Variants in KCNT1 observed in about 807,000 individuals in gnomAD.
KCNT1 encodes potassium sodium-activated channel subfamily T member 1.
In KCNT1, 78 loss-of-function variants were observed where a neutral mutation model predicts 147.8. That is an observed-to-expected ratio of 0.53 (90% CI 0.44 to 0.64). KCNT1 has a LOEUF of 0.64. Ranked by LOEUF, KCNT1 falls within the 30% of genes least tolerant of loss-of-function variation. KCNT1 has a pLI of 0.00. For synonymous variants in KCNT1, 867 were observed against 748.8 expected, an observed-to-expected ratio of 1.16 and a Z score of -2.58; for missense variants, 1,419 against 1,750.3, an observed-to-expected ratio of 0.81 and a Z score of 3.38.
chr9:135,732,404 C>T (rs1830138991), intron 2 of KCNT1, among the ~76,000 whole-genome samples: 1 of 152,172 alleles, frequency 6.6e-6, no homozygotes, highest in Admixed American at 6.5e-5. Flanking sequence ...CCTCACCCTT[C>T]CTCCGGTGCC....
At chr9:135,768,442 G>GCCTTCCATCCTCCCCA in intron 13 of KCNT1, 168 bp from the exon 14 acceptor site, 1 of 443,776 alleles carries the variant, frequency 2.3e-6, no homozygotes, top group Admixed American at 3.8e-5. Flanking sequence ...CATCCTCCCC[G>GCCTTCCATCCTCCCCA]CCTTCCATCC....
chr9:135,772,902 G>A lies in KCNT1; in HGVS notation c.2196G>A (p.Ser732=), dbSNP rs557680361. 28 of 1,550,930 alleles carry A rather than the reference G, an allele frequency of 1.8e-5. No homozygotes were observed. The highest frequency in any genetic ancestry group is 1.7e-4 in the East Asian group (7 of 41,496). ...LLPCDLLSDQ[S]EDEVTPSDDE... ...CCTGCGACCTGCTGAGCGACCAGTCGGAGGATGAGGTGACGCCGTCGGACG... is the reference window on the plus strand; with the variant it reads ...CCTGCGACCTGCTGAGCGACCAGTCAGAGGATGAGGTGACGCCGTCGGACG... Residue 732 remains serine (S), a synonymous_variant, in exon 19 of 31, where the codon TCG becomes TCA. Coordinates refer to ENST00000371757, the MANE Select transcript of KCNT1 (RefSeq NM_020822.3).
chr9:135,778,941 G>A (rs1352936037), intron 23 of KCNT1, 119 bp downstream of exon 23: 22 of 1,170,970 alleles, frequency 1.9e-5, no homozygotes, highest in Middle Eastern at 6.1e-4. Context: ...CCACAGCCAC[G>A]ACCACGGGCC....
At chr9:135,709,570 G>A (rs112044803) in intron 1 of KCNT1, among the ~76,000 whole-genome samples, 39 of 152,304 alleles carry the variant, frequency 2.6e-4, no homozygotes, top group African/African-American at 9.4e-4. Flanking sequence ...GCCGATCACT[G>A]GCGCAGGAGA....
At chr9:135,708,719 A>AT (rs1413421100) in intron 1 of KCNT1, among the ~76,000 whole-genome samples, 3 of 152,116 alleles carry the variant, frequency 2.0e-5, no homozygotes, top group Non-Finnish European at 2.9e-5. Context: ...AACTTTTGTT[A>AT]TTTTTTGTAG....
At chr9:135,738,543 G>A (rs1001405360) in intron 2 of KCNT1, among the ~76,000 whole-genome samples, 1 of 152,176 alleles carries the variant, frequency 6.6e-6, no homozygotes, top group African/African-American at 2.4e-5. Flanking sequence ...CATCCTGCAG[G>A]CCTGAGCTGC....
chr9:135,705,337 A>T (rs1010672762), intron 1 of KCNT1, among the ~76,000 whole-genome samples: 1 of 152,194 alleles, frequency 6.6e-6, no homozygotes, highest in Non-Finnish European at 1.5e-5. Flanking sequence ...CTGCAACAGG[A>T]AAGTTTGTCC....
chr9:135,780,944 G>A (rs561919530), intron 24 of KCNT1, among the ~76,000 whole-genome samples: 1 of 152,304 alleles, frequency 6.6e-6, no homozygotes, highest in East Asian at 1.9e-4. Context: ...CCTCAGCCTT[G>A]CACCTCTCTG....
Position 135,760,664 on chromosome 9 carries a change from C to A in KCNT1, c.1035+805C>A, listed in dbSNP as rs143791493. Among the ~76,000 whole-genome samples, 996 of 152,286 alleles carry A rather than the reference C, an allele frequency of 6.5e-3. 7 individuals are homozygous for A. Among genetic ancestry groups the A allele is most frequent in the African/African-American group, 0.023 (941 of 41,560 alleles). The stretch of plus-strand genomic sequence containing the variant: ...CCCGCTAAACAGCAGTGGGCGTGGC[C>A]CAGGTATGGGCCCAGGCCAGGCCTG... On this transcript the variant is annotated intron_variant, in intron 11 of 30. Transcript: ENST00000371757.
chr9:135,745,071 C>T (rs112862642), intron 2 of KCNT1, among the ~76,000 whole-genome samples: 70 of 152,354 alleles, frequency 4.6e-4, no homozygotes, highest in African/African-American at 1.6e-3. Context: ...CACCCGCTGC[C>T]GGGTGTGGAC....
At chr9:135,787,093 ACT>A (rs921241459) in intron 29 of KCNT1, among the ~76,000 whole-genome samples, 55 of 151,660 alleles carry the variant, frequency 3.6e-4, no homozygotes, top group Admixed American at 9.2e-4. Context: ...TAGGGGGGAG[ACT>A]TTGGGGGAAC....
At position 135,704,842 on chromosome 9, in the gene KCNT1, T is replaced by A. The variant is rs138583268; in HGVS notation, c.110+2474T>A. Among the ~76,000 whole-genome samples, 136 of 152,206 alleles carry A rather than the reference T, an allele frequency of 8.9e-4. 1 individual carries two copies. The East Asian group carries it at 0.024, about 27-fold the overall frequency. On this transcript the variant is annotated intron_variant, in intron 1 of 30. Coordinates refer to ENST00000371757, the MANE Select transcript of KCNT1 (RefSeq NM_020822.3). ...AGTAGCTCAGGGCTCATGGGAAAGG[T>A]TTGAGGGCCCAAGATACCGCCCAGC...
At position 135,763,216 on chromosome 9, in the gene KCNT1, C is replaced by T. The variant is rs996707602; in HGVS notation, c.1036-1815C>T. On this transcript the variant is annotated intron_variant, in intron 11 of 30. Transcript: ENST00000371757. Reference sequence around the variant, plus strand: ...GGGACAGTGATGCCGCTGACCCCACCGTCTAAGCCGCTCCCTGCCTCCTCC... The same window carrying T: ...GGGACAGTGATGCCGCTGACCCCACTGTCTAAGCCGCTCCCTGCCTCCTCC... Among the ~76,000 whole-genome samples, 10 of 152,348 alleles carry T rather than the reference C, an allele frequency of 6.6e-5. No individual in the cohort carries two copies. The South Asian group carries it at 1.0e-3, about 16-fold the overall frequency.
chr9:135,777,250 G>T, intron 20 of KCNT1, 88 bp from the exon 21 acceptor site: 1 of 1,386,468 alleles, frequency 7.2e-7, no homozygotes. Context: ...GTTCACGGGG[G>T]ATGTTTGGTG....
intron 2 of KCNT1, among the ~76,000 whole-genome samples, chr9:135,733,197 C>G (rs1407229122): frequency 7.1e-6 from 1 of 139,936 alleles, no homozygotes; most frequent in Admixed American, 7.1e-5. Flanking sequence ...CCGCACCTGC[C>G]CCCACACCTG....
chr9:135,765,327 C>T, intron 12 of KCNT1, 132 bp downstream of exon 12: 1 of 829,230 alleles, frequency 1.2e-6, no homozygotes, highest in Non-Finnish European at 1.9e-6. Context: ...AGGGCAGATG[C>T]CTCCCTCCCG....
intron 2 of KCNT1, among the ~76,000 whole-genome samples, chr9:135,724,204 C>T (rs1836037076): frequency 6.6e-6 from 1 of 152,246 alleles, no homozygotes; most frequent in South Asian, 2.1e-4. Flanking sequence ...CTCCAGGGGC[C>T]TCAACTTTGT....
intron 20 of KCNT1, among the ~76,000 whole-genome samples, chr9:135,776,822 C>T (rs1833206466): frequency 6.6e-6 from 1 of 152,256 alleles, no homozygotes; most frequent in Non-Finnish European, 1.5e-5. Flanking sequence ...GTGCTTCTGA[C>T]ACGATCCCCT....
chr9:135,728,080 G>A (rs1173641646), intron 2 of KCNT1, among the ~76,000 whole-genome samples: 1 of 152,256 alleles, frequency 6.6e-6, no homozygotes, highest in Non-Finnish European at 1.5e-5. Context: ...ACAGGCAGAA[G>A]GAGATGGCCG....
Sources: gnomAD v4.1 joint callset for allele counts (sites outside exome capture counted in the v4.1 genomes callset) on GRCh38, gnomAD v4.1.1 for gene constraint, MANE v1.5 for transcripts, NCBI Gene and HGNC (gene_info 2026-07-23, HGNC 2026-07-21) for gene names.